The following FNDC3B variants were observed in gnomAD, a reference collection of about 807,000 sequenced individuals.
FNDC3B encodes the protein fibronectin type III domain-containing protein 3B.
A neutral mutation model predicts 151.5 loss-of-function variants in FNDC3B; 12 were observed. That is an observed-to-expected ratio of 0.08 (90% CI 0.05 to 0.13). FNDC3B has a LOEUF of 0.13. FNDC3B is among the 10% of genes least tolerant of loss of function. The probability of loss-of-function intolerance (pLI) is 1.00; values close to 1 mark genes in which losing one functional copy is unlikely to be tolerated. For synonymous variants in FNDC3B, 528 were observed against 549.0 expected (o/e 0.96, Z 0.54); for missense variants, 1,214 against 1,505.3 (o/e 0.81, Z 3.20).
chr3:172,141,044 C>T lies in FNDC3B; in HGVS notation c.187+7498C>T, dbSNP rs140680352. The stretch of plus-strand genomic sequence containing the variant: ...CCAATTTCCTCTCTTAAAATGGGAA[C>T]AATGATAGTACCTATCTGATAGGAT... On this transcript the variant is annotated intron_variant, in intron 3 of 25. Transcript: ENST00000415807. Among the ~76,000 whole-genome samples, 124 of 152,170 alleles carry T rather than the reference C, an allele frequency of 8.1e-4. No individual in the cohort carries two copies. In the East Asian group the frequency reaches 0.023, roughly 29 times the overall value.
chr3:172,085,141 A>T (rs933350759), intron 1 of FNDC3B, among the ~76,000 whole-genome samples: 60 of 152,162 alleles, frequency 3.9e-4, no homozygotes, highest in Non-Finnish European at 1.2e-4. Context: ...TCTTGGGATG[A>T]TACTGCTTAC....
chr3:172,335,111 T>G (rs754172438), intron 15 of FNDC3B, 29 bp downstream of exon 15: 6 of 1,514,498 alleles, frequency 4.0e-6, no homozygotes, highest in East Asian at 4.7e-5. Flanking sequence ...GCTACTGTTT[T>G]TTTTTTTTTT....
intron 8 of FNDC3B, among the ~76,000 whole-genome samples, chr3:172,297,548 C>T (rs1730681623): frequency 6.6e-6 from 1 of 152,024 alleles, no homozygotes; most frequent in East Asian, 1.9e-4. Flanking sequence ...TATCTTGGCT[C>T]ACTGCAAGCT....
chr3:172,333,729 C>T (rs940779937), intron 14 of FNDC3B, among the ~76,000 whole-genome samples: 1 of 152,088 alleles, frequency 6.6e-6, no homozygotes, highest in African/African-American at 2.4e-5. Flanking sequence ...TGGCCAAATG[C>T]CCTTGCCTGG....
At chr3:172,243,305 A>G (rs754981428) in intron 4 of FNDC3B, among the ~76,000 whole-genome samples, 1 of 152,162 alleles carries the variant, frequency 6.6e-6, no homozygotes, top group Non-Finnish European at 1.5e-5. Context: ...CTCTTCTTGG[A>G]CCAATTTACT....
intron 25 of FNDC3B, among the ~76,000 whole-genome samples, chr3:172,387,068 T>C (rs1377928699): frequency 6.6e-6 from 1 of 152,104 alleles, no homozygotes; most frequent in Non-Finnish European, 1.5e-5. Flanking sequence ...GTGATCCTCT[T>C]GTCTCAGCTT....
intron 1 of FNDC3B, among the ~76,000 whole-genome samples, chr3:172,045,630 T>C (rs1050076720): frequency 1.3e-5 from 2 of 152,176 alleles, no homozygotes; most frequent in African/African-American, 2.4e-5. Context: ...TTTCTTCTTG[T>C]TAACGAGGTT....
At chr3:172,378,179 G>T in intron 23 of FNDC3B, 91 bp from the exon 24 acceptor site, 1 of 1,061,404 alleles carries the variant, frequency 9.4e-7, no homozygotes, top group Non-Finnish European at 1.4e-6. Context: ...TTACCAGGTT[G>T]GCCTAATCTG....
rs910659141 is a variant in FNDC3B at position 172,297,536 on chromosome 3, A to G, written c.1002-1192A>G. Among the ~76,000 whole-genome samples the G allele has an allele frequency of 5.3e-5, 8 of 151,638 alleles. No homozygotes were observed. The South Asian group carries it at 6.2e-4, about 12-fold the overall frequency. ...GTCGCCCAGGCTGGAGTGCAGTGGC[A>G]CTATCTTGGCTCACTGCAAGCTCCG... is the stretch of plus-strand genomic sequence containing the variant. On this transcript the variant is annotated intron_variant, in intron 8 of 25. Transcript: ENST00000415807.
intron 1 of FNDC3B, among the ~76,000 whole-genome samples, chr3:172,062,905 A>G (rs1428030117): frequency 6.6e-6 from 1 of 152,168 alleles, no homozygotes; most frequent in Non-Finnish European, 1.5e-5. Context: ...ATGTAGGCAG[A>G]GTCAGAAAAA....
chr3:172,310,415 A>T (rs1731410771), intron 10 of FNDC3B, among the ~76,000 whole-genome samples: 1 of 152,158 alleles, frequency 6.6e-6, no homozygotes, highest in Admixed American at 6.5e-5. Context: ...TGTATGTGGG[A>T]TGTTATAAAA....
rs140064563 is a variant in FNDC3B at position 172,387,828 on chromosome 3, C to T, written c.3303+6735C>T. 5.3e-5 allele frequency among the ~76,000 whole-genome samples: 8 copies of T among 152,274 alleles called. No individual in the cohort carries two copies. In the East Asian group the frequency reaches 1.2e-3, roughly 22 times the overall value. ...GTTTATAGGCCCATTGGATGAAAACCCCCAGGAAGCAGTTCAGTAACGGTA... is the reference window on the plus strand; with the variant it reads ...GTTTATAGGCCCATTGGATGAAAACTCCCAGGAAGCAGTTCAGTAACGGTA... On this transcript the variant is annotated intron_variant, in intron 25 of 25. Transcript: ENST00000415807.
chr3:172,268,349 G>A (rs145264354), intron 6 of FNDC3B, among the ~76,000 whole-genome samples: 1 of 152,186 alleles, frequency 6.6e-6, no homozygotes, highest in South Asian at 2.1e-4. Flanking sequence ...GAGTTACAAA[G>A]AGTTCTAAAA....
intron 1 of FNDC3B, among the ~76,000 whole-genome samples, chr3:172,056,403 G>C (rs1158997742): frequency 1.3e-5 from 2 of 152,142 alleles, no homozygotes; most frequent in Non-Finnish European, 2.9e-5. Flanking sequence ...TATGCTTCTT[G>C]GGTATTCTTG....
chr3:172,334,254 A>G (rs1269599603), intron 14 of FNDC3B, among the ~76,000 whole-genome samples: 4 of 152,040 alleles, frequency 2.6e-5, no homozygotes. Context: ...ACATAGCTAT[A>G]CTGCTAACGT....
chr3:172,376,410 G>A (rs1320738892), intron 23 of FNDC3B, among the ~76,000 whole-genome samples: 1 of 152,168 alleles, frequency 6.6e-6, no homozygotes, highest in Admixed American at 6.5e-5. Context: ...ACTGTTCCTA[G>A]TAGTCCTCTC....
At chr3:172,318,300 C>T (rs1016184019) in intron 11 of FNDC3B, among the ~76,000 whole-genome samples, 1 of 152,214 alleles carries the variant, frequency 6.6e-6, no homozygotes, top group Non-Finnish European at 1.5e-5. Flanking sequence ...CCAGGCAGGC[C>T]CAGCAGTCCT....
At chr3:172,383,220 T>G (rs1029099421) in intron 25 of FNDC3B, among the ~76,000 whole-genome samples, 1 of 152,226 alleles carries the variant, frequency 6.6e-6, no homozygotes, top group Non-Finnish European at 1.5e-5. Flanking sequence ...TATTTTATTC[T>G]CTTTGTAGCA....
chr3:172,171,514 A>C (rs763259438), intron 3 of FNDC3B, among the ~76,000 whole-genome samples: 17 of 152,082 alleles, frequency 1.1e-4, no homozygotes, highest in South Asian at 8.3e-4. Flanking sequence ...CAGGGAACAC[A>C]GTATTGGTGG....
Sources: allele counts gnomAD v4.1 joint callset (sites outside exome capture counted in the v4.1 genomes callset), GRCh38; gene constraint gnomAD v4.1.1; transcripts MANE v1.5; gene names NCBI Gene and HGNC (gene_info 2026-07-23, HGNC 2026-07-21).